C3orf20: variants seen among roughly 807,000 people sequenced by gnomAD.
C3orf20 encodes uncharacterized protein C3orf20.
Under a neutral mutation model 88.3 loss-of-function variants are expected in C3orf20, and 76 were observed. That is an observed-to-expected ratio of 0.86 (90% CI 0.72 to 1.04). C3orf20 has a LOEUF of 1.04. Ranked by LOEUF, C3orf20 falls within the 50% of genes least tolerant of loss-of-function variation. The pLI is 0.00. For missense variants in C3orf20, 1,056 were observed against 1,123.3 expected (o/e 0.94, Z 0.86); for synonymous variants, 436 against 437.4 (o/e 1.00, Z 0.04).
rs2035891858 is a variant in C3orf20, at chr3:14,772,621, G to A, written c.2631-170G>A. 6.6e-6 allele frequency among the ~76,000 whole-genome samples: 1 copy of A among 152,242 alleles called. No homozygotes were observed. Among genetic ancestry groups the A allele is most frequent in the East Asian group, 1.9e-4 (1 of 5,194 alleles). ...TGAAGATAGAAAAGCAAAATTAGGA[G>A]CATGTAGAAAGGTCGCAGGTGCCAC... On this transcript the variant is annotated intron_variant, in intron 16 of 16. Coordinates refer to ENST00000253697, the MANE Select transcript of C3orf20 (RefSeq NM_032137.5). This position sits in a 1 kb window ranked among gnomAD's most constrained non-coding sequence, Gnocchi z 4.2.
At chr3:14,771,937 T>C in intron 15 of C3orf20, 130 bp from the exon 16 acceptor site, 1 of 1,181,650 alleles carries the variant, frequency 8.5e-7, no homozygotes, top group East Asian at 2.4e-5. Flanking sequence ...GAGGTCAGAG[T>C]CTCCCTTCGC....
intron 12 of C3orf20, among the ~76,000 whole-genome samples, chr3:14,735,916 GTTTATA>G (rs1349881732): frequency 2.6e-5 from 4 of 151,994 alleles, no homozygotes; most frequent in Admixed American, 1.3e-4. Context: ...TAATTATACA[GTTTATA>G]TTTAGATTTG....
intron 12 of C3orf20, among the ~76,000 whole-genome samples, chr3:14,731,051 A>G (rs1191615267): frequency 1.3e-5 from 2 of 152,050 alleles, no homozygotes; most frequent in Non-Finnish European, 2.9e-5. Flanking sequence ...TTTTCCCTAT[A>G]CATACACACA....
At chr3:14,705,851 A>G (rs1485707157) in intron 7 of C3orf20, among the ~76,000 whole-genome samples, 1 of 152,170 alleles carries the variant, frequency 6.6e-6, no homozygotes, top group African/African-American at 2.4e-5. Flanking sequence ...GGTGTGACTG[A>G]CTGTATGCCA....
intron 5 of C3orf20, among the ~76,000 whole-genome samples, chr3:14,691,625 AT>A (rs1042124571): frequency 6.6e-6 from 1 of 152,082 alleles, no homozygotes; most frequent in African/African-American, 2.4e-5. Flanking sequence ...ACTTTTTTTA[AT>A]TTTAAATTTT....
intron 15 of C3orf20, 89 bp from the exon 16 acceptor site, chr3:14,771,978 T>C: frequency 6.5e-7 from 1 of 1,526,962 alleles, no homozygotes; most frequent in East Asian, 2.3e-5. Flanking sequence ...CTTGTGTCCT[T>C]GTCTGTCCAG....
At chr3:14,707,481 G>A (rs75464671) in intron 7 of C3orf20, among the ~76,000 whole-genome samples, 2 of 150,408 alleles carry the variant, frequency 1.3e-5, no homozygotes, top group Non-Finnish European at 3.0e-5. Flanking sequence ...GTGTGTGTGT[G>A]TGTGTGTGTG....
intron 4 of C3orf20, among the ~76,000 whole-genome samples, chr3:14,686,655 A>T (rs1173503531): frequency 6.6e-6 from 1 of 152,164 alleles, no homozygotes; most frequent in Non-Finnish European, 1.5e-5. Flanking sequence ...TGGGTCCTTA[A>T]TCCATTTTTA....
intron 5 of C3orf20, among the ~76,000 whole-genome samples, chr3:14,694,163 T>C (rs1462307321): frequency 6.6e-6 from 1 of 152,236 alleles, no homozygotes; most frequent in East Asian, 1.9e-4. Context: ...CTTTTTTTGA[T>C]GTGTCTTTGT....
intron 10 of C3orf20, among the ~76,000 whole-genome samples, chr3:14,725,261 C>T (rs549729427): frequency 2.0e-5 from 3 of 152,126 alleles, no homozygotes; most frequent in Non-Finnish European, 2.9e-5. Context: ...ATTCTTGGAC[C>T]GTGAGAGCTG....
rs116139405 is a variant in C3orf20, at chr3:14,680,868, A to C, written c.-298-1302A>C. Among the ~76,000 whole-genome samples, 805 of 152,324 alleles carry C rather than the reference A, an allele frequency of 5.3e-3. 10 individuals are homozygous for C. The highest frequency in any genetic ancestry group is 0.019 in the African/African-American group (769 of 41,562). ...ATCCCTCTGGCTGGTTGCCCAGATG[A>C]CCGGGATTCTGAGTGGTTTCTTTGT... On this transcript the variant is annotated intron_variant, in intron 1 of 16. Transcript: ENST00000253697.
chr3:14,753,945 T>G (rs2035287749), intron 12 of C3orf20, among the ~76,000 whole-genome samples: 1 of 152,272 alleles, frequency 6.6e-6, no homozygotes, highest in Non-Finnish European at 1.5e-5. Flanking sequence ...TCAATGCTTT[T>G]AGTCAGGCTG....
intron 12 of C3orf20, among the ~76,000 whole-genome samples, chr3:14,739,299 T>TTGCAGG: frequency 6.6e-6 from 1 of 152,212 alleles, no homozygotes; most frequent in Non-Finnish European, 1.5e-5. Flanking sequence ...ATAATAATCT[T>TTGCAGG]GTACATCTCC....
At chr3:14,694,651 GAT>G (rs2032886580) in intron 5 of C3orf20, among the ~76,000 whole-genome samples, 1 of 151,876 alleles carries the variant, frequency 6.6e-6, no homozygotes, top group Non-Finnish European at 1.5e-5. Context: ...TGTTTTTATT[GAT>G]CTCTTGTATT....
At chr3:14,722,239 C>G (rs549268962) in intron 10 of C3orf20, 1 of 320,668 alleles carries the variant, frequency 3.1e-6, no homozygotes, top group Non-Finnish European at 6.2e-6. Context: ...CTTTAGTGCC[C>G]CTGGAAGAAG....
chr3:14,725,869 GAA>G (rs34447337), intron 10 of C3orf20, among the ~76,000 whole-genome samples: 1,702 of 132,456 alleles, frequency 0.013, 9 homozygotes, highest in Non-Finnish European at 0.017. Context: ...CAAAGGCAGT[GAA>G]AAAAAAAAAA....
At chr3:14,711,627 C>CTTTTTT (rs35966332) in intron 7 of C3orf20, among the ~76,000 whole-genome samples, 2 of 72,588 alleles carry the variant, frequency 2.8e-5, no homozygotes, top group African/African-American at 4.8e-5. Flanking sequence ...ATCCTGCCAG[C>CTTTTTT]TTTTTTTTTT....
intron 15 of C3orf20, among the ~76,000 whole-genome samples, chr3:14,770,193 T>C (rs1256304295): frequency 6.6e-6 from 1 of 152,158 alleles, no homozygotes; most frequent in Admixed American, 6.5e-5. Context: ...TCAAAGGGCC[T>C]CAGGCAGGCC....
intron 6 of C3orf20, among the ~76,000 whole-genome samples, chr3:14,704,125 T>C (rs569403345): frequency 2.1e-4 from 32 of 152,084 alleles, no homozygotes; most frequent in South Asian, 6.2e-4. Flanking sequence ...CAGGTGGAAA[T>C]CAGGCAAGGG....
Sources: gnomAD v4.1 joint callset for allele counts (sites outside exome capture counted in the v4.1 genomes callset) on GRCh38, gnomAD v4.1.1 for gene constraint, Gnocchi (gnomAD v3.1) non-coding constraint, MANE v1.5 for transcripts, NCBI Gene and HGNC (gene_info 2026-07-23, HGNC 2026-07-21) for gene names.